The following MTA3 variants were observed in gnomAD, a reference collection of about 807,000 sequenced individuals.
The protein encoded by MTA3 is metastasis-associated protein MTA3.
In MTA3, 34 loss-of-function variants were observed where a neutral mutation model predicts 83.5. The ratio of observed to expected loss-of-function variants is 0.41; its 90% CI spans 0.31 to 0.54. The LOEUF (loss-of-function observed/expected upper bound fraction) is 0.54. Among genes scored for constraint, MTA3 ranks in the 20% least tolerant of loss-of-function variants. The pLI is 0.33. For synonymous variants in MTA3, 303 were observed against 252.7 expected, an observed-to-expected ratio of 1.20 and a Z score of -1.89; for missense variants, 761 against 726.4, an observed-to-expected ratio of 1.05 and a Z score of -0.55.
rs188406963 is a variant in MTA3 at position 42,586,081 on chromosome 2, C to T, written c.190+6881C>T. Among the ~76,000 whole-genome samples the T allele has an allele frequency of 6.4e-4, 97 of 150,908 alleles. 2 individuals carry two copies. Among genetic ancestry groups the T allele is most frequent in the Admixed American group, 4.5e-3 (68 of 15,192 alleles). On this transcript the variant is annotated intron_variant, in intron 3 of 16. Coordinates refer to ENST00000405094, the MANE Select transcript of MTA3 (RefSeq NM_001330442.2). ...GATGGATCACTGGAGGTCAGGAGTTCGGCCTGACCAACGTGGTGAAACCCT... is the reference window on the plus strand; with the variant it reads ...GATGGATCACTGGAGGTCAGGAGTTTGGCCTGACCAACGTGGTGAAACCCT...
intron 6 of MTA3, among the ~76,000 whole-genome samples, chr2:42,644,532 T>G (rs1687993875): frequency 6.6e-6 from 1 of 152,214 alleles, no homozygotes; most frequent in Non-Finnish European, 1.5e-5. Context: ...CTTCCAATTT[T>G]AGAATTACAA....
chr2:42,615,711 CTTTTTTTTTTTTT>C lies in MTA3; in HGVS notation c.317+6142_317+6154del, dbSNP rs35331224. Among the ~76,000 whole-genome samples the C allele has an allele frequency of 5.2e-4, 31 of 59,808 alleles. 1 individual carries two copies. In the South Asian group the frequency reaches 0.013, roughly 24 times the overall value. 39.2% of individuals were successfully genotyped at this position (59,808 alleles called of 152,430 possible). On this transcript the variant is annotated intron_variant, in intron 4 of 16. Coordinates refer to ENST00000405094, the MANE Select transcript of MTA3 (RefSeq NM_001330442.2). ...ACCACAGATACTTGAATAATCTCTTCTTTTTTTTTTTTTTTTTTTTTTTTTTTGAGACGGAGTC... is the reference window on the plus strand; with the variant it reads ...ACCACAGATACTTGAATAATCTCTTCTTTTTTTTTTTTTTGAGACGGAGTC...
chr2:42,673,821 G>A (rs953028546), intron 8 of MTA3, among the ~76,000 whole-genome samples: 2 of 152,196 alleles, frequency 1.3e-5, no homozygotes, highest in African/African-American at 2.4e-5. Context: ...GGACTTTCAC[G>A]ATGAATTGTT....
At chr2:42,748,254 C>T (rs913211915) in intron 16 of MTA3, among the ~76,000 whole-genome samples, 7 of 136,168 alleles carry the variant, frequency 5.1e-5, no homozygotes, top group South Asian at 4.7e-4. Context: ...TTAGTAGAGA[C>T]GGGGTTTCAC....
chr2:42,736,501 G>A (rs146081198), intron 16 of MTA3, among the ~76,000 whole-genome samples: 4 of 152,232 alleles, frequency 2.6e-5, no homozygotes, highest in Non-Finnish European at 4.4e-5. Flanking sequence ...TATCCAGCCA[G>A]GCATCTTCCC....
intron 8 of MTA3, among the ~76,000 whole-genome samples, chr2:42,673,195 C>G (rs901629127): frequency 6.6e-6 from 1 of 151,348 alleles, no homozygotes; most frequent in Non-Finnish European, 1.5e-5. Context: ...GAGGTTTACT[C>G]ATGAGAGTTT....
chr2:42,575,895 T>C (rs919310051), intron 2 of MTA3, among the ~76,000 whole-genome samples: 3 of 152,186 alleles, frequency 2.0e-5, no homozygotes, highest in Non-Finnish European at 1.5e-5. Context: ...GCCTACCTGT[T>C]GTCAGCACAG....
At chr2:42,692,618 G>A (rs1693004690) in intron 9 of MTA3, among the ~76,000 whole-genome samples, 2 of 151,980 alleles carry the variant, frequency 1.3e-5, no homozygotes. Context: ...GTAGATACAG[G>A]GTTTCACCAC....
At chr2:42,509,696 G>T (rs747854890) in intron 2 of MTA3, among the ~76,000 whole-genome samples, 1 of 151,938 alleles carries the variant, frequency 6.6e-6, no homozygotes, top group Non-Finnish European at 1.5e-5. Context: ...AATTAAGCCT[G>T]GGGGGTTGAG....
intron 6 of MTA3, among the ~76,000 whole-genome samples, chr2:42,648,334 C>G (rs567083736): frequency 6.6e-6 from 1 of 152,288 alleles, no homozygotes; most frequent in East Asian, 1.9e-4. Context: ...TTAGGATTTG[C>G]TGGAATCCAT....
chr2:42,693,864 G>A lies in MTA3; in HGVS notation c.892-1901G>A, dbSNP rs1693134181. ...TAGCTGGGAATGTGCTTGGGAATGTGCTGGGTCACACTGTAGTCAGCACAT... is the reference window on the plus strand; with the variant it reads ...TAGCTGGGAATGTGCTTGGGAATGTACTGGGTCACACTGTAGTCAGCACAT... On this transcript the variant is annotated intron_variant, in intron 9 of 16. Transcript: ENST00000405094. Among the ~76,000 whole-genome samples the A allele has an allele frequency of 2.6e-5, 4 of 152,268 alleles. 1 individual carries two copies. In the South Asian group the frequency reaches 8.3e-4, roughly 32 times the overall value.
chr2:42,538,219 C>T (rs1048510827), intron 2 of MTA3, among the ~76,000 whole-genome samples: 5 of 151,402 alleles, frequency 3.3e-5, no homozygotes, highest in Admixed American at 2.0e-4. Flanking sequence ...GGCGACACAG[C>T]GAGACTCTGT....
chr2:42,706,171 T>G (rs1404885589), intron 12 of MTA3, among the ~76,000 whole-genome samples: 2 of 152,308 alleles, frequency 1.3e-5, no homozygotes, highest in Admixed American at 1.3e-4. Context: ...ATATACCTAA[T>G]GCTAAATGAC....
At chr2:42,725,195 G>T (rs1001052988) in intron 16 of MTA3, among the ~76,000 whole-genome samples, 5 of 152,318 alleles carry the variant, frequency 3.3e-5, no homozygotes, top group African/African-American at 1.2e-4. Flanking sequence ...TTGTATCTCT[G>T]TGCTTAGCAC....
intron 8 of MTA3, among the ~76,000 whole-genome samples, chr2:42,664,388 C>G (rs1234425103): frequency 1.3e-5 from 2 of 149,018 alleles, no homozygotes; most frequent in Non-Finnish European, 3.0e-5. Flanking sequence ...AAAATGGATT[C>G]ATCATTCAGT....
intron 3 of MTA3, among the ~76,000 whole-genome samples, chr2:42,598,846 G>C (rs1274015949): frequency 6.6e-6 from 1 of 152,120 alleles, no homozygotes; most frequent in Non-Finnish European, 1.5e-5. Context: ...GGGCCCCCTG[G>C]AGGACTTTCA....
chr2:42,497,695 T>C (rs891781150), intron 2 of MTA3, among the ~76,000 whole-genome samples: 1 of 152,150 alleles, frequency 6.6e-6, no homozygotes, highest in East Asian at 1.9e-4. Context: ...ACCTCATTGA[T>C]CTTCAGTTTT....
rs543593722 is a variant in MTA3, at chr2:42,633,793, G to T, written c.318-6380G>T. Among the ~76,000 whole-genome samples the T allele has an allele frequency of 1.0e-3, 158 of 151,328 alleles. 1 individual carries two copies. The highest frequency in any genetic ancestry group is 2.6e-3 in the Admixed American group (39 of 15,184). On this transcript the variant is annotated intron_variant, in intron 4 of 16. Coordinates refer to ENST00000405094, the MANE Select transcript of MTA3 (RefSeq NM_001330442.2). ...CCTGTAGTCCCAGCTGGAGGCTGAG[G>T]CAGGAGAATGGCGTGTACCCGGGAG...
At chr2:42,641,037 G>A (rs760092245) in intron 5 of MTA3, among the ~76,000 whole-genome samples, 3 of 152,070 alleles carry the variant, frequency 2.0e-5, no homozygotes, top group Non-Finnish European at 2.9e-5. Context: ...CTCCTGAGTA[G>A]CTGGGATCAT....
Sources: allele counts gnomAD v4.1 joint callset (sites outside exome capture counted in the v4.1 genomes callset), GRCh38; gene constraint gnomAD v4.1.1; transcripts MANE v1.5; gene names NCBI Gene and HGNC (gene_info 2026-07-23, HGNC 2026-07-21).